Variants in DPYS observed in about 807,000 individuals in gnomAD.
DPYS encodes the protein dihydropyrimidine amidohydrolase.
DPYS carries 39 observed loss-of-function variants against 50.3 expected under a neutral mutation model. The ratio of observed to expected loss-of-function variants is 0.78; its 90% CI spans 0.60 to 1.01. The LOEUF (loss-of-function observed/expected upper bound fraction) is 1.01, where lower values mean the gene tolerates loss of function less well. DPYS is among the 50% of genes least tolerant of loss of function. The probability of loss-of-function intolerance (pLI) is 0.00; values close to 1 mark genes in which losing one functional copy is unlikely to be tolerated. For missense variants in DPYS, 659 were observed against 680.9 expected, an observed-to-expected ratio of 0.97 and a Z score of 0.36; for synonymous variants, 245 against 250.7, an observed-to-expected ratio of 0.98 and a Z score of 0.22.
In DPYS at chr8:104,440,424, C is replaced by T. The variant is rs192444484; in HGVS notation, c.793+3824G>A. ...CCCAAGGCTCTGCATGTCTAAGGAG[C>T]AATGTGGAGGCTGCATTCTAGGGAC... is the stretch of plus-strand genomic sequence containing the variant. On this transcript the variant is annotated intron_variant, in intron 4 of 9. Coordinates refer to ENST00000351513, the MANE Select transcript of DPYS (RefSeq NM_001385.3). 1.2e-3 allele frequency among the ~76,000 whole-genome samples: 179 copies of T among 152,264 alleles called. 1 individual carries two copies. Among genetic ancestry groups the T allele is most frequent in the African/African-American group, 4.0e-3 (165 of 41,546 alleles).
chr8:104,442,219 TGTC>T (rs1249012029), intron 4 of DPYS, among the ~76,000 whole-genome samples: 1 of 152,204 alleles, frequency 6.6e-6, no homozygotes, highest in East Asian at 1.9e-4. Flanking sequence ...AAAATTAAAA[TGTC>T]TGTATTTACT....
chr8:104,381,308 T>C lies in DPYS; in HGVS notation c.1450A>G (p.Thr484Ala). ...KRIKQRDRTC[T>A]PTPVERAPYK... Reference sequence around the variant, plus strand: ...GGTGCACGCTCCACAGGGGTAGGTGTGCAAGTCTGAAAGAGAACATTTCAT... The same window carrying C: ...GGTGCACGCTCCACAGGGGTAGGTGCGCAAGTCTGAAAGAGAACATTTCAT... The change falls in exon 9 of 10, where the codon ACA (threonine) becomes GCA (alanine). Residue 484 changes from threonine to alanine, a missense_variant. Transcript: ENST00000351513. The C allele has an allele frequency of 6.2e-7, 1 of 1,614,076 alleles. No individual in the cohort carries two copies. Among genetic ancestry groups the C allele is most frequent in the Non-Finnish European group, 8.5e-7 (1 of 1,179,912 alleles).
chr8:104,392,500 G>A (rs1459943292), intron 8 of DPYS, among the ~76,000 whole-genome samples: 1 of 151,930 alleles, frequency 6.6e-6, no homozygotes, highest in Non-Finnish European at 1.5e-5. Flanking sequence ...CTGCCTCTTG[G>A]AGGACCCTGA....
chr8:104,455,815 G>A (rs1460038780), intron 1 of DPYS, among the ~76,000 whole-genome samples: 1 of 151,810 alleles, frequency 6.6e-6, no homozygotes, highest in Non-Finnish European at 1.5e-5. Flanking sequence ...GGTTCTAGGT[G>A]GTATAATTCC....
intron 8 of DPYS, among the ~76,000 whole-genome samples, chr8:104,388,587 T>A (rs1811288161): frequency 6.6e-6 from 1 of 152,178 alleles, no homozygotes; most frequent in South Asian, 2.1e-4. Flanking sequence ...TTCCCCTCCC[T>A]CTTTTCTTTT....
chr8:104,429,767 C>T (rs1812890174), intron 4 of DPYS, 66 bp from the exon 5 acceptor site: 7 of 1,591,504 alleles, frequency 4.4e-6, no homozygotes, highest in Non-Finnish European at 6.0e-6. Context: ...ATGACAAACA[C>T]ATAAATATTA....
intron 7 of DPYS, chr8:104,420,517 T>A (rs1003367109): frequency 6.6e-6 from 1 of 152,118 alleles, no homozygotes; most frequent in African/African-American, 2.4e-5. Context: ...CTCTCCTTTT[T>A]CCCACATTCT....
intron 3 of DPYS, 66 bp from the exon 4 acceptor site, chr8:104,444,503 TA>T (rs1357700826): frequency 1.3e-6 from 2 of 1,561,070 alleles, no homozygotes; most frequent in African/African-American, 2.7e-5. Context: ...ATCATTATTT[TA>T]TCATAAATTA....
At chr8:104,408,116 T>A (rs1321515559) in intron 7 of DPYS, among the ~76,000 whole-genome samples, 1 of 152,266 alleles carries the variant, frequency 6.6e-6, no homozygotes, top group Non-Finnish European at 1.5e-5. Context: ...GATAAAAATC[T>A]GAGCTCACAC....
intron 7 of DPYS, chr8:104,420,643 G>T (rs1812509528): frequency 7.7e-6 from 1 of 129,678 alleles, no homozygotes; most frequent in Non-Finnish European, 1.6e-5. Context: ...ATAAGTCAAA[G>T]AAATCCAAGG....
chr8:104,395,232 C>A (rs570689904), intron 7 of DPYS, among the ~76,000 whole-genome samples: 1 of 152,306 alleles, frequency 6.6e-6, no homozygotes, highest in East Asian at 1.9e-4. Flanking sequence ...CTCCAAGGCT[C>A]AAGCAATCCA....
chr8:104,423,099 C>A (rs925451162), intron 7 of DPYS, among the ~76,000 whole-genome samples: 8 of 152,164 alleles, frequency 5.3e-5, no homozygotes, highest in Non-Finnish European at 7.3e-5. Flanking sequence ...ATAAGAAAGA[C>A]CTTGAACCAT....
intron 1 of DPYS, among the ~76,000 whole-genome samples, chr8:104,456,049 T>A (rs2140753520): frequency 6.6e-6 from 1 of 152,238 alleles, no homozygotes; most frequent in Non-Finnish European, 1.5e-5. Context: ...TACTGTACCT[T>A]TTCTATGTTT....
intron 8 of DPYS, among the ~76,000 whole-genome samples, chr8:104,385,826 C>T (rs1048359052): frequency 3.1e-4 from 47 of 152,314 alleles, no homozygotes; most frequent in Admixed American, 1.3e-3. Flanking sequence ...ATGCCTTCCT[C>T]CATGGGATGA....
At chr8:104,445,510 C>T (rs1029298810) in intron 3 of DPYS, among the ~76,000 whole-genome samples, 4 of 152,062 alleles carry the variant, frequency 2.6e-5, no homozygotes, top group African/African-American at 9.7e-5. Context: ...ATGAAATAAG[C>T]CAGACACAGA....
At chr8:104,397,433 G>T (rs1390158930) in intron 7 of DPYS, among the ~76,000 whole-genome samples, 1 of 152,132 alleles carries the variant, frequency 6.6e-6, no homozygotes, top group African/African-American at 2.4e-5. Context: ...AGTCAGGTTG[G>T]TTTAAATTCC....
rs760542155 is a variant in DPYS at position 104,424,317 on chromosome 8, A to G, written c.1165T>C (p.Tyr389His). ...ACAGCTATTCTTCCTTTTCTTGGAT[A>G]GAGATTAAAAATTTTGGCTGCATTT... ...STNAAKIFNL[Y>H]PRKGRIAVGS... Residue 389 changes from tyrosine to histidine, a missense_variant, in exon 7 of 10, where the codon TAT becomes CAT. Tyr to His is a moderately conservative substitution (Grantham distance 83, BLOSUM62 2). Transcript: ENST00000351513. The G allele has an allele frequency of 6.2e-7, 1 of 1,614,144 alleles. No individual in the cohort carries two copies. The highest frequency in any genetic ancestry group is 1.3e-5 in the African/African-American group (1 of 75,068).
chr8:104,457,172 C>CA (rs377739849), intron 1 of DPYS, among the ~76,000 whole-genome samples: 216 of 152,236 alleles, frequency 1.4e-3, no homozygotes, highest in African/African-American at 4.8e-3. Flanking sequence ...ACTTTGGGGC[C>CA]ATTATGAAGT....
intron 4 of DPYS, among the ~76,000 whole-genome samples, chr8:104,438,041 A>G (rs1813208861): frequency 6.6e-6 from 1 of 152,228 alleles, no homozygotes; most frequent in Non-Finnish European, 1.5e-5. Context: ...AGTAAGCGTG[A>G]AGACAAGGAA....
Sources: gnomAD v4.1 joint callset for allele counts (sites outside exome capture counted in the v4.1 genomes callset) on GRCh38, gnomAD v4.1.1 for gene constraint, MANE v1.5 for transcripts, NCBI Gene and HGNC (gene_info 2026-07-23, HGNC 2026-07-21) for gene names.